The following GPR143 variants were observed in gnomAD, a reference collection of about 807,000 sequenced individuals.
GPR143 encodes the protein G-protein coupled receptor 143.
In GPR143, 8 loss-of-function variants were observed where a neutral mutation model predicts 27.6. That is an observed-to-expected ratio of 0.29 (90% CI 0.17 to 0.52). The LOEUF (loss-of-function observed/expected upper bound fraction) is 0.52, where lower values mean the gene tolerates loss of function less well. Among genes scored for constraint, GPR143 ranks in the 20% least tolerant of loss-of-function variants. The pLI, the probability that GPR143 is intolerant of heterozygous loss-of-function variation, is 0.96. For synonymous variants in GPR143, 156 were observed against 153.2 expected, an observed-to-expected ratio of 1.02 and a Z score of -0.13; for missense variants, 303 against 343.1, an observed-to-expected ratio of 0.88 and a Z score of 0.92.
At chrX:9,742,945 A>G (rs758711619) in intron 6 of GPR143, among the ~76,000 whole-genome samples, 3 of 111,142 alleles carry the variant, frequency 2.7e-5, no homozygotes, top group Non-Finnish European at 5.7e-5. Context: ...CAACTCTACT[A>G]AAAATACAAA....
At chrX:9,751,985 C>G (rs1480867420) in intron 3 of GPR143, among the ~76,000 whole-genome samples, 1 of 112,606 alleles carries the variant, frequency 8.9e-6, no homozygotes, top group Non-Finnish European at 1.9e-5. Context: ...GGGGCCAGCC[C>G]CAGAGGCCAT....
intron 4 of GPR143, among the ~76,000 whole-genome samples, chrX:9,747,357 C>G (rs1002738442): frequency 9.0e-6 from 1 of 111,019 alleles, no homozygotes; most frequent in African/African-American, 3.3e-5. Context: ...TCCTAAAGAC[C>G]CTGGGAGCAC....
At chrX:9,743,527 C>T in intron 6 of GPR143, 38 bp downstream of exon 6, 1 of 775,976 alleles carries the variant, frequency 1.3e-6, no homozygotes, top group Non-Finnish European at 2.0e-6. Context: ...GCCCTTCCCA[C>T]TGGCAATAAA....
intron 4 of GPR143, 54 bp downstream of exon 4, chrX:9,748,520 A>G: frequency 1.2e-6 from 1 of 810,405 alleles, no homozygotes; most frequent in Non-Finnish European, 1.9e-6. Flanking sequence ...CCTGCAAGAC[A>G]ACACATTATG....
Position 9,725,690 on chromosome X carries a change from G to T in GPR143, c.*56C>A. 1.1e-6 allele frequency: 1 copy of T among 923,608 alleles called. No individual in the cohort carries two copies. The highest frequency in any genetic ancestry group is 1.6e-6 in the Non-Finnish European group (1 of 638,202). The allele number at this position is 923,608 out of a possible 1,213,427, so 76.1% of individuals were successfully genotyped here. Reference sequence around the variant, plus strand: ...GGGAAGGTGAGAACACAGTTCTAAAGAACAAGAATTGTTGAGTCTGAGGAA... The same window carrying T: ...GGGAAGGTGAGAACACAGTTCTAAATAACAAGAATTGTTGAGTCTGAGGAA... On this transcript the variant is annotated 3_prime_UTR_variant, in exon 9 of 9. Transcript: ENST00000467482.
intron 1 of GPR143, among the ~76,000 whole-genome samples, chrX:9,761,553 G>C (rs1421620227): frequency 8.9e-6 from 1 of 112,429 alleles, no homozygotes; most frequent in Non-Finnish European, 1.9e-5. Flanking sequence ...GGCCATATTA[G>C]TTATTCCTCA....
intron 1 of GPR143, among the ~76,000 whole-genome samples, chrX:9,771,506 ACT>A (rs753703079): frequency 1.8e-5 from 2 of 110,314 alleles, no homozygotes; most frequent in African/African-American, 6.6e-5. Flanking sequence ...GGGGCCCAAG[ACT>A]CTGCATTTCT....
intron 8 of GPR143, among the ~76,000 whole-genome samples, chrX:9,732,676 A>T: frequency 9.1e-6 from 1 of 109,869 alleles, no homozygotes; most frequent in Non-Finnish European, 1.9e-5. Flanking sequence ...TAGCCTGGCC[A>T]ACATGGTGAA....
intron 1 of GPR143, among the ~76,000 whole-genome samples, chrX:9,777,106 G>A (rs2083573225): frequency 8.9e-6 from 1 of 112,178 alleles, no homozygotes; most frequent in African/African-American, 3.2e-5. Context: ...TTTATTTGGA[G>A]GAACAGATGG....
Position 9,765,610 on chromosome X carries a change from T to C in GPR143, c.208A>G (p.Ile70Val). Residue 70 changes from isoleucine (I) to valine (V), a missense_variant, in exon 1 of 9, where the codon ATC (isoleucine) becomes GTC (valine). Ile to Val is a conservative substitution (Grantham distance 29, BLOSUM62 3). Transcript: ENST00000467482. The part of the protein sequence containing the change: ...PATSPPASVR[I>V]LRAAAACDLL... Reference sequence around the variant, plus strand: ...TCGCAGGCAGCGGCAGCGCGCAGGATGCGGACCGAGGCCGGCGGGGACGTC... The same window carrying C: ...TCGCAGGCAGCGGCAGCGCGCAGGACGCGGACCGAGGCCGGCGGGGACGTC... The C allele has an allele frequency of 9.8e-7, 1 of 1,016,095 alleles. No homozygotes were observed. The highest frequency in any genetic ancestry group is 1.2e-6 in the Non-Finnish European group (1 of 802,016). The allele number at this position is 1,016,095 out of a possible 1,213,427, so 83.7% of individuals were successfully genotyped here.
chrX:9,767,770 A>G (rs141351737), upstream of GPR143, among the ~76,000 whole-genome samples: 3 of 112,700 alleles, frequency 2.7e-5, no homozygotes, highest in Non-Finnish European at 3.7e-5. Flanking sequence ...CCCAAGCATT[A>G]ATGTTTAAAA....
intron 1 of GPR143, among the ~76,000 whole-genome samples, chrX:9,761,116 C>T (rs755598202): frequency 4.5e-5 from 5 of 110,051 alleles, no homozygotes; most frequent in Non-Finnish European, 3.8e-5. Flanking sequence ...TTTTTTGAGA[C>T]GGAGTCTGGC....
intron 1 of GPR143, among the ~76,000 whole-genome samples, chrX:9,761,264 T>C (rs2083498947): frequency 9.0e-6 from 1 of 111,177 alleles, no homozygotes; most frequent in Admixed American, 9.6e-5. Context: ...CAGCTAATTT[T>C]TGTATTTTTA....
chrX:9,766,292 CTG>C (rs2083533119), upstream of GPR143: 1 of 112,506 alleles, frequency 8.9e-6, no homozygotes, highest in African/African-American at 3.2e-5. Flanking sequence ...TGTTCATAAA[CTG>C]TGACTGATCC....
intron 1 of GPR143, among the ~76,000 whole-genome samples, chrX:9,761,943 T>A (rs2083503482): frequency 1.8e-5 from 2 of 111,364 alleles, no homozygotes; most frequent in Non-Finnish European, 3.8e-5. Context: ...AATAATTAGC[T>A]GGAGGTGGTG....
At chrX:9,735,033 G>A (rs745991995) in intron 8 of GPR143, among the ~76,000 whole-genome samples, 1 of 112,550 alleles carries the variant, frequency 8.9e-6, no homozygotes, top group Admixed American at 9.3e-5. Flanking sequence ...GATGAGCAGA[G>A]AGTGTTCAGC....
At chrX:9,757,676 G>T (rs1351758058) in intron 3 of GPR143, among the ~76,000 whole-genome samples, 1 of 111,438 alleles carries the variant, frequency 9.0e-6, no homozygotes, top group Non-Finnish European at 1.9e-5. Context: ...TAACGGTGAT[G>T]GTTATGCAAT....
chrX:9,775,758 A>G, intron 1 of GPR143, among the ~76,000 whole-genome samples: 1 of 112,070 alleles, frequency 8.9e-6, no homozygotes, highest in Middle Eastern at 4.6e-3. Context: ...CACTTTTCAG[A>G]AGGCTGAGGC....
intron 1 of GPR143, among the ~76,000 whole-genome samples, chrX:9,771,709 CTCTTTTTT>C (rs1170468517): frequency 8.5e-4 from 79 of 92,817 alleles, no homozygotes; most frequent in African/African-American, 2.9e-3. Context: ...AGCATTCTCT[CTCTTTTTT>C]TTTTTTTTTT....
Sources: gnomAD v4.1 joint callset for allele counts (sites outside exome capture counted in the v4.1 genomes callset) on GRCh38, gnomAD v4.1.1 for gene constraint, MANE v1.5 for transcripts, NCBI Gene and HGNC (gene_info 2026-07-23, HGNC 2026-07-21) for gene names.